The following DST variants were observed in gnomAD, a reference collection of about 807,000 sequenced individuals.
The protein encoded by DST is bullous pemphigoid antigen.
Under a neutral mutation model 875.2 loss-of-function variants are expected in DST, and 253 were observed. That is an observed-to-expected ratio of 0.29 (90% confidence interval 0.26 to 0.32). DST has a LOEUF of 0.32. Among genes scored for constraint, DST ranks in the 10% least tolerant of loss-of-function variants. The probability of loss-of-function intolerance (pLI) is 1.00; values close to 1 mark genes in which losing one functional copy is unlikely to be tolerated. For synonymous variants in DST, 3,124 were observed against 3,197.1 expected, an observed-to-expected ratio of 0.98 and a Z score of 0.77; for missense variants, 8,287 against 9,111.6, an observed-to-expected ratio of 0.91 and a Z score of 3.68.
intron 4 of DST, among the ~76,000 whole-genome samples, chr6:56,780,809 T>C (rs949232381): frequency 9.2e-5 from 14 of 152,050 alleles, no homozygotes; most frequent in Admixed American, 5.2e-4. Context: ...CCCATGCCTA[T>C]GTCCTGAATG....
intron 8 of DST, among the ~76,000 whole-genome samples, chr6:56,701,425 G>T (rs16888126): frequency 0.3 from 45,946 of 151,672 alleles, 8,751 homozygotes; most frequent in African/African-American, 0.54. Context: ...AAAAACAAAA[G>T]ATTTCCTTAT....
rs138869108 is a variant in DST at position 56,935,809 on chromosome 6, C to T, written c.216+17976G>A. Among the ~76,000 whole-genome samples the T allele has an allele frequency of 5.1e-3, 778 of 152,124 alleles. 9 individuals carry two copies. The highest frequency in any genetic ancestry group is 0.018 in the African/African-American group (738 of 41,484). On this transcript the variant is annotated intron_variant, in intron 2 of 103. Coordinates refer to ENST00000680361, the MANE Select transcript of DST (RefSeq NM_001374736.1). ...GCATGGTGGTGCGTGCCTGTAGTCCCAGCTACTCAGGAGGCTGAGGCAGGA... is the reference window on the plus strand; with the variant it reads ...GCATGGTGGTGCGTGCCTGTAGTCCTAGCTACTCAGGAGGCTGAGGCAGGA...
chr6:56,827,506 CAAA>C (rs779051829), intron 4 of DST, among the ~76,000 whole-genome samples: 1 of 58,762 alleles, frequency 1.7e-5, no homozygotes, highest in Non-Finnish European at 3.6e-5. Context: ...GACTCCGTCT[CAAA>C]AAAAAAAAAA....
intron 90 of DST, among the ~76,000 whole-genome samples, 186 bp downstream of exon 90, chr6:56,481,864 T>C (rs997876150): frequency 2.0e-5 from 3 of 152,180 alleles, no homozygotes; most frequent in Non-Finnish European, 4.4e-5. Flanking sequence ...CACATACATG[T>C]GTGTGGGTGC....
chr6:56,586,680 C>T (rs1471233823), intron 49 of DST, among the ~76,000 whole-genome samples: 2 of 152,110 alleles, frequency 1.3e-5, no homozygotes, highest in Non-Finnish European at 2.9e-5. Flanking sequence ...CAGACTGACA[C>T]CTCACACGGC....
chr6:56,497,353 A>C (rs769391185), intron 82 of DST, 26 bp downstream of exon 82: 3 of 1,606,260 alleles, frequency 1.9e-6, no homozygotes, highest in Non-Finnish European at 2.6e-6. Context: ...TTCTGAGGCT[A>C]AAGCTGTAGG....
rs779312693 is a variant in DST at position 56,603,948 on chromosome 6, T to C, written c.10680A>G (p.Ser3560=). 1.9e-6 allele frequency: 3 copies of C among 1,611,534 alleles called. No homozygotes were observed. In the Admixed American group the frequency reaches 5.0e-5, roughly 27 times the overall value. ...IGLESSTVWA[S]TLPRDEKLKD... is the part of the protein sequence containing the mutation. Reference sequence around the variant, plus strand: ...TGAGCTTCTCATCTCTTGGCAATGTTGATGCCCACACAGTAGAGCTTTCTA... The same window carrying C: ...TGAGCTTCTCATCTCTTGGCAATGTCGATGCCCACACAGTAGAGCTTTCTA... Residue 3560 remains serine (S), a synonymous_variant, in exon 40 of 104, where the codon TCA becomes TCG. Coordinates refer to ENST00000680361, the MANE Select transcript of DST (RefSeq NM_001374736.1).
intron 2 of DST, among the ~76,000 whole-genome samples, chr6:56,904,946 T>G (rs1349604645): frequency 2.6e-5 from 4 of 152,084 alleles, no homozygotes; most frequent in African/African-American, 9.7e-5. Flanking sequence ...TGTGCCACCA[T>G]GCCCAGCTAA....
At chr6:56,693,487 G>GT (rs1036606745) in intron 9 of DST, 1 of 808,510 alleles carries the variant, frequency 1.2e-6, no homozygotes, top group African/African-American at 1.9e-5. Context: ...GATTATGACT[G>GT]TTTTTAACCT....
chr6:56,512,898 G>C (rs1202992453), intron 72 of DST, among the ~76,000 whole-genome samples: 1 of 152,208 alleles, frequency 6.6e-6, no homozygotes, highest in Non-Finnish European at 1.5e-5. Flanking sequence ...GGCCATGTTT[G>C]CAATCTAGCT....
At chr6:56,949,386 G>A (rs946837857) in intron 2 of DST, among the ~76,000 whole-genome samples, 1 of 152,208 alleles carries the variant, frequency 6.6e-6, no homozygotes, top group Non-Finnish European at 1.5e-5. Context: ...TGTATTGGCT[G>A]TACACTTTTA....
In DST at chr6:56,603,027, T is replaced by C; in HGVS notation, c.11162A>G (p.Lys3721Arg). The C allele has an allele frequency of 6.4e-7, 1 of 1,566,564 alleles. No individual in the cohort carries two copies. Among genetic ancestry groups the C allele is most frequent in the South Asian group, 1.2e-5 (1 of 82,906 alleles). The change falls in exon 43 of 104, where the codon AAA (lysine) becomes AGA (arginine). Residue 3721 changes from lysine (K) to arginine (R), a missense_variant. This residue lies in a region of DST where 3,138 missense variants were observed against 3,116.6 expected (regional missense o/e 1.01). Transcript: ENST00000680361. ...IMLAIDSEMS[K>R]LAVSHEEFLH... ...AAATTCTTCATGGGAAACTGCTAGT[T>C]TAGACTAGAAAAAAAAATTGTGCAT... is the stretch of plus-strand genomic sequence containing the variant.
chr6:56,628,769 T>G (rs1056392396), intron 32 of DST, among the ~76,000 whole-genome samples: 1 of 152,210 alleles, frequency 6.6e-6, no homozygotes, highest in African/African-American at 2.4e-5. Flanking sequence ...TTCATTTATT[T>G]TAAGATGAAC....
At position 56,800,986 on chromosome 6, in the gene DST, C is replaced by T. The variant is rs545212772; in HGVS notation, c.625+50411G>A. Among the ~76,000 whole-genome samples, 6 of 146,798 alleles carry T rather than the reference C, an allele frequency of 4.1e-5. No individual in the cohort carries two copies. The Admixed American group carries it at 4.1e-4, about 10-fold the overall frequency. ...AGTAAGCCATGATCACACCAATGCA[C>T]TCCAGCCGGGGCAACAGAACAAAAC... On this transcript the variant is annotated intron_variant, in intron 4 of 103. Coordinates refer to ENST00000680361, the MANE Select transcript of DST (RefSeq NM_001374736.1).
chr6:56,486,220 G>A (rs1053521802), intron 87 of DST, among the ~76,000 whole-genome samples: 18 of 151,896 alleles, frequency 1.2e-4, no homozygotes, highest in African/African-American at 3.6e-4. Flanking sequence ...AAAATTAGCC[G>A]GGCGTAGTGG....
rs1313029546 is a variant in DST at position 56,627,057 on chromosome 6, T to G, written c.4722+147A>C. On this transcript the variant is annotated intron_variant, in intron 34 of 103. Coordinates refer to ENST00000680361, the MANE Select transcript of DST (RefSeq NM_001374736.1). The stretch of plus-strand genomic sequence containing the variant: ...CTGGGGGGCTGTCATGTGACTAATT[T>G]CACAAAGAATTATTAGATAAGTGTC... 4.4e-6 allele frequency: 3 copies of G among 686,410 alleles called. No individual in the cohort carries two copies. In the East Asian group the frequency reaches 8.0e-5, roughly 18 times the overall value. 42.5% of individuals were successfully genotyped at this position (686,410 alleles called of 1,614,324 possible).
chr6:56,467,787 T>C (rs1356221409), intron 98 of DST, among the ~76,000 whole-genome samples: 1 of 152,176 alleles, frequency 6.6e-6, no homozygotes, highest in East Asian at 1.9e-4. Context: ...AGAATTTCTC[T>C]AAATATTCCC....
At chr6:56,952,208 C>T (rs1822722502) in intron 2 of DST, among the ~76,000 whole-genome samples, 1 of 152,124 alleles carries the variant, frequency 6.6e-6, no homozygotes, top group South Asian at 2.1e-4. Context: ...CAAATGCAAG[C>T]TCAGAACAAA....
chr6:56,653,671 G>C (rs1236594181), intron 10 of DST, among the ~76,000 whole-genome samples: 1 of 152,046 alleles, frequency 6.6e-6, no homozygotes, highest in East Asian at 1.9e-4. Flanking sequence ...GACAACAAGA[G>C]CGAAACTCCA....
Sources: gnomAD v4.1 joint callset for allele counts (sites outside exome capture counted in the v4.1 genomes callset) on GRCh38, gnomAD v4.1.1 for gene constraint, gnomAD v4.1.1 regional missense constraint, MANE v1.5 for transcripts, NCBI Gene and HGNC (gene_info 2026-07-23, HGNC 2026-07-21) for gene names.